Variants in RPL39L observed in about 807,000 individuals in gnomAD.
The protein encoded by RPL39L is ribosomal protein L39 like, also known as ribosomal protein eL39-like 2.
For missense variants in RPL39L, 48 were observed against 58.9 expected, an observed-to-expected ratio of 0.81 and a Z score of 0.61; for synonymous variants, 16 against 20.1, an observed-to-expected ratio of 0.80 and a Z score of 0.55.
At chr3:187,123,652 G>A (rs1720349905) in intron 2 of RPL39L, among the ~76,000 whole-genome samples, 1 of 152,222 alleles carries the variant, frequency 6.6e-6, no homozygotes, top group South Asian at 2.1e-4. Flanking sequence ...CAAACCCAGA[G>A]TCTTAACACC....
At chr3:187,129,843 CTTTT>C (rs59449021) in intron 1 of RPL39L, among the ~76,000 whole-genome samples, 2,081 of 143,306 alleles carry the variant, frequency 0.015, 18 homozygotes, top group African/African-American at 0.022. Flanking sequence ...CCCCTCCACC[CTTTT>C]TTTTTTTTTT....
At chr3:187,135,997 TAGG>T (rs1019510671) in intron 1 of RPL39L, among the ~76,000 whole-genome samples, 2 of 152,230 alleles carry the variant, frequency 1.3e-5, no homozygotes, top group African/African-American at 4.8e-5. Flanking sequence ...CTAGAGGCTC[TAGG>T]AGGACTGGAT....
At chr3:187,128,569 G>C (rs187249972) in intron 1 of RPL39L, among the ~76,000 whole-genome samples, 2 of 152,276 alleles carry the variant, frequency 1.3e-5, no homozygotes, top group East Asian at 3.9e-4. Context: ...GAGCAGAGTA[G>C]CATGATCCTA....
At chr3:187,138,089 G>C (rs950564783) in intron 1 of RPL39L, among the ~76,000 whole-genome samples, 1 of 152,148 alleles carries the variant, frequency 6.6e-6, no homozygotes, top group South Asian at 2.1e-4. Context: ...AGAAGCATCC[G>C]TCCTGTCTCT....
At chr3:187,134,936 C>A (rs1720548936) in intron 1 of RPL39L, among the ~76,000 whole-genome samples, 1 of 152,192 alleles carries the variant, frequency 6.6e-6, no homozygotes, top group Admixed American at 6.5e-5. Flanking sequence ...ACAGTGCTGA[C>A]CTGATCAGTT....
intron 1 of RPL39L, among the ~76,000 whole-genome samples, chr3:187,130,175 G>A (rs368713003): frequency 6.6e-6 from 1 of 152,196 alleles, no homozygotes; most frequent in African/African-American, 2.4e-5. Context: ...CTTGGGATTT[G>A]TGAGATATTC....
intron 1 of RPL39L, among the ~76,000 whole-genome samples, chr3:187,136,219 C>T (rs949696968): frequency 2.6e-5 from 4 of 152,232 alleles, no homozygotes; most frequent in Admixed American, 6.5e-5. Flanking sequence ...TCGGCAATTT[C>T]TTCACTAAAG....
At chr3:187,128,581 T>C (rs1418274601) in intron 1 of RPL39L, among the ~76,000 whole-genome samples, 4 of 152,152 alleles carry the variant, frequency 2.6e-5, no homozygotes, top group African/African-American at 4.8e-5. Flanking sequence ...ATGATCCTAG[T>C]TCACTGCAGC....
At chr3:187,122,057 G>A (rs530835177) in intron 2 of RPL39L, among the ~76,000 whole-genome samples, 11 of 152,244 alleles carry the variant, frequency 7.2e-5, no homozygotes, top group Admixed American at 3.9e-4. Flanking sequence ...TAAAACATGC[G>A]ATTTGCTGTA....
At chr3:187,135,988 T>C (rs1217847516) in intron 1 of RPL39L, among the ~76,000 whole-genome samples, 3 of 152,326 alleles carry the variant, frequency 2.0e-5, no homozygotes, top group South Asian at 2.1e-4. Context: ...TCCATGGAAC[T>C]AGAGGCTCTA....
At chr3:187,134,483 T>TAAAAAAAAAAAAAAAAAAAAAAAAAAAA (rs72169562) in intron 1 of RPL39L, among the ~76,000 whole-genome samples, 11 of 93,402 alleles carry the variant, frequency 1.2e-4, no homozygotes, top group African/African-American at 4.7e-4. Context: ...GCCTGACTGA[T>TAAAAAAAAAAAAAAAAAAAAAAAAAAAA]AAAAAAAAAA....
At chr3:187,137,821 C>CAAA (rs36040788) in intron 1 of RPL39L, among the ~76,000 whole-genome samples, 1 of 115,660 alleles carries the variant, frequency 8.6e-6, no homozygotes, top group Non-Finnish European at 2.1e-5. Flanking sequence ...TACTCCGTCT[C>CAAA]AAAAAAAAAA....
chr3:187,128,806 G>T (rs889194764), intron 1 of RPL39L, among the ~76,000 whole-genome samples: 1 of 152,224 alleles, frequency 6.6e-6, no homozygotes, highest in Non-Finnish European at 1.5e-5. Flanking sequence ...CTTCCCTGTG[G>T]CAAGCTATTG....
intron 2 of RPL39L, among the ~76,000 whole-genome samples, chr3:187,125,909 T>C (rs1720388302): frequency 6.6e-6 from 1 of 152,188 alleles, no homozygotes; most frequent in South Asian, 2.1e-4. Flanking sequence ...TTTGTGAGGC[T>C]TTCTGAAGTT....
chr3:187,128,742 C>T (rs1346134442), intron 1 of RPL39L, among the ~76,000 whole-genome samples: 1 of 152,146 alleles, frequency 6.6e-6, no homozygotes, highest in Non-Finnish European at 1.5e-5. Flanking sequence ...TGTGATGTAC[C>T]AGACAGGTAT....
At chr3:187,133,817 C>T (rs1478129656) in intron 1 of RPL39L, among the ~76,000 whole-genome samples, 2 of 152,126 alleles carry the variant, frequency 1.3e-5, no homozygotes, top group African/African-American at 2.4e-5. Context: ...GAAATCGAAC[C>T]TGGTAGTGTA....
intron 2 of RPL39L, among the ~76,000 whole-genome samples, chr3:187,123,479 T>G (rs1216396392): frequency 6.6e-6 from 1 of 152,240 alleles, no homozygotes; most frequent in Non-Finnish European, 1.5e-5. Flanking sequence ...ACAGTTCATC[T>G]TAAATTGACC....
chr3:187,135,912 G>C (rs896890631), intron 1 of RPL39L, among the ~76,000 whole-genome samples: 4 of 152,250 alleles, frequency 2.6e-5, no homozygotes, highest in Non-Finnish European at 5.9e-5. Flanking sequence ...GAGAGACAGA[G>C]CAAGAGAGAT....
At chr3:187,132,763 C>CA (rs1351388653) in intron 1 of RPL39L, among the ~76,000 whole-genome samples, 1 of 152,196 alleles carries the variant, frequency 6.6e-6, no homozygotes, top group East Asian at 1.9e-4. Flanking sequence ...TCCTGAAACT[C>CA]AGAGGACTGA....
Sources: gnomAD v4.1 joint callset for allele counts (sites outside exome capture counted in the v4.1 genomes callset) on GRCh38, gnomAD v4.1.1 for gene constraint, MANE v1.5 for transcripts, NCBI Gene and HGNC (gene_info 2026-07-23, HGNC 2026-07-21) for gene names.